The following STEAP1B variants were observed in gnomAD, a reference collection of about 807,000 sequenced individuals.
The protein encoded by STEAP1B is STEAP family protein MGC87042.
In STEAP1B, 13 loss-of-function variants were observed where a neutral mutation model predicts 27.9. The observed-to-expected ratio is 0.47, with a 90% CI of 0.30 to 0.74. The LOEUF (loss-of-function observed/expected upper bound fraction) is 0.74, where lower values mean the gene tolerates loss of function less well. Ranked by LOEUF, STEAP1B falls within the 30% of genes least tolerant of loss-of-function variation. The probability of loss-of-function intolerance (pLI) is 0.06; values close to 1 mark genes in which losing one functional copy is unlikely to be tolerated. For missense variants in STEAP1B, 250 were observed against 298.7 expected (o/e 0.84, Z 1.20); for synonymous variants, 86 against 107.1 (o/e 0.80, Z 1.22).
chr7:22,455,559 GT>G (rs1303109950), intron 4 of STEAP1B, among the ~76,000 whole-genome samples: 1 of 152,168 alleles, frequency 6.6e-6, no homozygotes, highest in Non-Finnish European at 1.5e-5. Context: ...TCCACTCCCC[GT>G]TTTTTATTAA....
intron 4 of STEAP1B, among the ~76,000 whole-genome samples, chr7:22,464,910 C>A (rs1370721262): frequency 3.0e-5 from 3 of 100,872 alleles, no homozygotes; most frequent in African/African-American, 1.0e-4. Flanking sequence ...CTCCAAGACC[C>A]CCAGTGGATA....
At chr7:22,434,885 T>G (rs1057355010) in intron 4 of STEAP1B, among the ~76,000 whole-genome samples, 1 of 152,168 alleles carries the variant, frequency 6.6e-6, no homozygotes, top group African/African-American at 2.4e-5. Flanking sequence ...GCCCTAGAAT[T>G]TGTTAATTTA....
At chr7:22,433,016 G>A (rs1785209950) in intron 4 of STEAP1B, among the ~76,000 whole-genome samples, 1 of 152,166 alleles carries the variant, frequency 6.6e-6, no homozygotes, top group African/African-American at 2.4e-5. Context: ...AGCAAATGCG[G>A]CCTGACTGCT....
chr7:22,440,227 G>A lies in STEAP1B; in HGVS notation c.763-20391C>T, dbSNP rs79568463. ...ACAAATTAAACTGTGGGAGCTCAGA[G>A]GTATATGCTACCTTGACTTGTGGGA... On this transcript the variant is annotated intron_variant, in intron 4 of 4. Coordinates refer to ENST00000678116, the MANE Select transcript of STEAP1B (RefSeq NM_001382447.1). Among the ~76,000 whole-genome samples, 23 of 152,242 alleles carry A rather than the reference G, an allele frequency of 1.5e-4. 1 individual carries two copies. In the East Asian group the frequency reaches 4.4e-3, roughly 29 times the overall value.
At chr7:22,488,131 C>T (rs150847095) in intron 4 of STEAP1B, among the ~76,000 whole-genome samples, 32 of 152,286 alleles carry the variant, frequency 2.1e-4, no homozygotes, top group African/African-American at 6.0e-4. Context: ...CCCAGTCCTC[C>T]GAGTCCCTTC....
At chr7:22,460,127 T>C (rs1562574851) in intron 4 of STEAP1B, among the ~76,000 whole-genome samples, 2 of 151,598 alleles carry the variant, frequency 1.3e-5, no homozygotes, top group Non-Finnish European at 2.9e-5. Context: ...CCAGGAAACA[T>C]AGTGAAACCC....
chr7:22,422,275 C>T (rs1785053219), intron 4 of STEAP1B, among the ~76,000 whole-genome samples: 1 of 152,158 alleles, frequency 6.6e-6, no homozygotes, highest in Non-Finnish European at 1.5e-5. Flanking sequence ...ATTCAATCAG[C>T]CACCTTACTG....
At chr7:22,446,844 G>T (rs767640493) in intron 4 of STEAP1B, among the ~76,000 whole-genome samples, 5 of 152,202 alleles carry the variant, frequency 3.3e-5, no homozygotes, top group Non-Finnish European at 5.9e-5. Flanking sequence ...CAATGGTGCT[G>T]TGAAGAGTAA....
At chr7:22,448,786 G>C (rs1286094055) in intron 4 of STEAP1B, among the ~76,000 whole-genome samples, 3 of 152,146 alleles carry the variant, frequency 2.0e-5, no homozygotes, top group Non-Finnish European at 2.9e-5. Flanking sequence ...GGAAGTCTGG[G>C]ATATGGAAAT....
At chr7:22,444,755 G>T (rs1013931364) in intron 4 of STEAP1B, among the ~76,000 whole-genome samples, 3 of 152,196 alleles carry the variant, frequency 2.0e-5, no homozygotes, top group African/African-American at 7.2e-5. Context: ...CTGTTTTGTT[G>T]GTTTTCCCCT....
chr7:22,468,823 C>A (rs1033489990), intron 4 of STEAP1B, among the ~76,000 whole-genome samples: 1 of 152,164 alleles, frequency 6.6e-6, no homozygotes, highest in Non-Finnish European at 1.5e-5. Context: ...ATTGCAATGT[C>A]AGAGTGCAAC....
At position 22,439,175 on chromosome 7, in the gene STEAP1B, C is replaced by T. The variant is rs554132630; in HGVS notation, c.763-19339G>A. Among the ~76,000 whole-genome samples, 33 of 151,186 alleles carry T rather than the reference C, an allele frequency of 2.2e-4. 1 individual carries two copies. In the South Asian group the frequency reaches 5.4e-3, roughly 25 times the overall value. On this transcript the variant is annotated intron_variant, in intron 4 of 4. Coordinates refer to ENST00000678116, the MANE Select transcript of STEAP1B (RefSeq NM_001382447.1). Reference sequence around the variant, plus strand: ...AGAACTGTTTTAAGAATGCCGTGCCCCTAAACAGTTTCACTTGTGCAGCTG... The same window carrying T: ...AGAACTGTTTTAAGAATGCCGTGCCTCTAAACAGTTTCACTTGTGCAGCTG...
chr7:22,498,483 T>G (rs1349743647), intron 1 of STEAP1B, among the ~76,000 whole-genome samples: 1 of 152,238 alleles, frequency 6.6e-6, no homozygotes, highest in East Asian at 1.9e-4. Flanking sequence ...CTTTTAACTT[T>G]GAGAGGTGCA....
At chr7:22,421,298 T>C (rs1785039661) in intron 4 of STEAP1B, among the ~76,000 whole-genome samples, 2 of 152,252 alleles carry the variant, frequency 1.3e-5, no homozygotes. Context: ...TGGGTGATGA[T>C]GGTGATGGCA....
At chr7:22,435,724 G>A (rs1785245060) in intron 4 of STEAP1B, among the ~76,000 whole-genome samples, 1 of 152,210 alleles carries the variant, frequency 6.6e-6, no homozygotes, top group Admixed American at 6.5e-5. Flanking sequence ...ACCTGTGCAC[G>A]ATACGCACCG....
chr7:22,434,469 G>C (rs1785229361), intron 4 of STEAP1B, among the ~76,000 whole-genome samples: 1 of 152,078 alleles, frequency 6.6e-6, no homozygotes, highest in African/African-American at 2.4e-5. Flanking sequence ...TGTAATTCTT[G>C]AATGTTTCCT....
intron 4 of STEAP1B, among the ~76,000 whole-genome samples, chr7:22,430,053 C>T (rs1265514107): frequency 6.6e-6 from 1 of 152,210 alleles, no homozygotes; most frequent in Non-Finnish European, 1.5e-5. Context: ...TTCAACAGTG[C>T]CAGGTGTGTA....
intron 4 of STEAP1B, among the ~76,000 whole-genome samples, chr7:22,432,147 G>C (rs1785195194): frequency 6.6e-6 from 1 of 152,118 alleles, no homozygotes; most frequent in Non-Finnish European, 1.5e-5. Context: ...TGTAAGGTTA[G>C]AGTGAGAAGA....
intron 4 of STEAP1B, among the ~76,000 whole-genome samples, chr7:22,460,336 C>CAA (rs33991000): frequency 0.45 from 52,270 of 117,218 alleles, 9,906 homozygotes; most frequent in Middle Eastern, 0.57. Flanking sequence ...TCAAAACAAA[C>CAA]AAAAAAAAAA....
Sources: gnomAD v4.1 joint callset for allele counts (sites outside exome capture counted in the v4.1 genomes callset) on GRCh38, gnomAD v4.1.1 for gene constraint, MANE v1.5 for transcripts, NCBI Gene and HGNC (gene_info 2026-07-23, HGNC 2026-07-21) for gene names.